The following EXOC4 variants were observed in gnomAD, a reference collection of about 807,000 sequenced individuals.
EXOC4 encodes SEC8-like 1.
Under a neutral mutation model 107.2 loss-of-function variants are expected in EXOC4, and 71 were observed. That is an observed-to-expected ratio of 0.66 (90% CI 0.55 to 0.81). EXOC4 has a LOEUF of 0.81. Ranked by LOEUF, EXOC4 falls within the 30% of genes least tolerant of loss-of-function variation. EXOC4 has a pLI of 0.00. For missense variants in EXOC4, 1,108 were observed against 1,189.6 expected, an observed-to-expected ratio of 0.93 and a Z score of 1.01; for synonymous variants, 456 against 441.2, an observed-to-expected ratio of 1.03 and a Z score of -0.42.
chr7:133,686,707 T>C (rs1794305841), intron 10 of EXOC4, among the ~76,000 whole-genome samples: 1 of 151,454 alleles, frequency 6.6e-6, no homozygotes, highest in Non-Finnish European at 1.5e-5. Context: ...AATAGAAAAA[T>C]AATAGATGTG....
intron 14 of EXOC4, among the ~76,000 whole-genome samples, chr7:133,975,785 C>T (rs924751170): frequency 2.0e-5 from 3 of 151,894 alleles, no homozygotes; most frequent in Admixed American, 6.6e-5. Context: ...TTCACTTTCA[C>T]CATAACCCAA....
chr7:134,052,790 A>C (rs866660259), intron 17 of EXOC4, among the ~76,000 whole-genome samples: 80 of 152,312 alleles, frequency 5.3e-4, no homozygotes, highest in African/African-American at 1.9e-3. Flanking sequence ...TTCATGCCTA[A>C]ATCTGCCAGA....
chr7:134,095,134 TC>T, the EXOC4 span, among the ~76,000 whole-genome samples: 12 of 152,006 alleles, frequency 7.9e-5, no homozygotes, highest in African/African-American at 2.9e-4. Context: ...TGTACAAAAA[TC>T]AATTACATAA....
intron 17 of EXOC4, among the ~76,000 whole-genome samples, chr7:134,043,929 G>A (rs1224327701): frequency 6.6e-6 from 1 of 152,158 alleles, no homozygotes; most frequent in East Asian, 1.9e-4. Context: ...ACACAGTTGT[G>A]CTAATTGGAA....
At chr7:134,100,272 AAG>A in the EXOC4 span, among the ~76,000 whole-genome samples, 3 of 73,630 alleles carry the variant, frequency 4.1e-5, no homozygotes, top group Non-Finnish European at 6.7e-5. Context: ...GAACCATTAG[AAG>A]CCAGGGAAGA....
chr7:133,517,185 G>C (rs1226575281), intron 9 of EXOC4, among the ~76,000 whole-genome samples: 1 of 152,078 alleles, frequency 6.6e-6, no homozygotes, highest in East Asian at 1.9e-4. Context: ...GCATGGGAGG[G>C]AGTGTGATTA....
chr7:133,517,479 G>C (rs918958827), intron 9 of EXOC4, among the ~76,000 whole-genome samples: 1 of 152,104 alleles, frequency 6.6e-6, no homozygotes, highest in African/African-American at 2.4e-5. Context: ...ACCTGTGACT[G>C]GGCAATTTAC....
intron 10 of EXOC4, among the ~76,000 whole-genome samples, chr7:133,686,993 T>TGTGTGTG (rs1562907797): frequency 2.6e-4 from 2 of 7,572 alleles, no homozygotes; most frequent in Non-Finnish European, 5.2e-4. Flanking sequence ...ATAAAGAATT[T>TGTGTGTG]TGTGTGTGTG....
intron 9 of EXOC4, among the ~76,000 whole-genome samples, chr7:133,568,942 T>C (rs1047495403): frequency 1.3e-5 from 2 of 152,202 alleles, no homozygotes; most frequent in African/African-American, 4.8e-5. Context: ...ATAGATCAAC[T>C]GATATGATTC....
chr7:133,443,732 A>G (rs538297967), intron 7 of EXOC4, among the ~76,000 whole-genome samples: 124 of 152,216 alleles, frequency 8.1e-4, no homozygotes, highest in African/African-American at 2.9e-3. Context: ...TACAGTATCT[A>G]AGGACCCCAG....
At chr7:133,713,887 T>C (rs1350808929) in intron 10 of EXOC4, among the ~76,000 whole-genome samples, 1 of 152,166 alleles carries the variant, frequency 6.6e-6, no homozygotes, top group Non-Finnish European at 1.5e-5. Flanking sequence ...ACCTCTTTCC[T>C]TTATAAATTA....
At chr7:133,930,270 C>G (rs1030756958) in intron 13 of EXOC4, among the ~76,000 whole-genome samples, 1 of 152,104 alleles carries the variant, frequency 6.6e-6, no homozygotes, top group African/African-American at 2.4e-5. Flanking sequence ...GAAGTCCTAG[C>G]GCCTAAAGAA....
intron 10 of EXOC4, among the ~76,000 whole-genome samples, chr7:133,692,847 T>C (rs1477359878): frequency 6.6e-6 from 1 of 152,190 alleles, no homozygotes; most frequent in African/African-American, 2.4e-5. Context: ...ATATTGTCAA[T>C]GAAGTAGAAA....
intron 11 of EXOC4, among the ~76,000 whole-genome samples, chr7:133,876,057 CAGAT>C (rs1487196034): frequency 1.3e-5 from 2 of 152,286 alleles, no homozygotes; most frequent in African/African-American, 2.4e-5. Flanking sequence ...GATGGATTCA[CAGAT>C]AGGTAGGTAG....
At chr7:133,822,047 G>A (rs539401916) in intron 11 of EXOC4, among the ~76,000 whole-genome samples, 3 of 152,160 alleles carry the variant, frequency 2.0e-5, no homozygotes, top group South Asian at 2.1e-4. Flanking sequence ...AGCAGGATTG[G>A]ATACATCTCA....
At chr7:134,041,144 A>G (rs549624972) in intron 17 of EXOC4, among the ~76,000 whole-genome samples, 3 of 152,318 alleles carry the variant, frequency 2.0e-5, no homozygotes, top group South Asian at 2.1e-4. Context: ...GACTTTTACC[A>G]TTGTAACTGC....
intron 5 of EXOC4, among the ~76,000 whole-genome samples, chr7:133,329,183 G>C (rs937637554): frequency 5.9e-5 from 9 of 152,064 alleles, no homozygotes; most frequent in African/African-American, 2.2e-4. Flanking sequence ...TTCAATCACT[G>C]ATATCATTTC....
At chr7:134,069,101 G>T (rs896664338), downstream of EXOC4, among the ~76,000 whole-genome samples, 11 of 152,066 alleles carry the variant, frequency 7.2e-5, no homozygotes, top group Admixed American at 3.9e-4. Flanking sequence ...ATTTCAGCCT[G>T]ACTCTGTGCA....
At chr7:133,728,101 G>A (rs552731154) in intron 10 of EXOC4, among the ~76,000 whole-genome samples, 1 of 152,214 alleles carries the variant, frequency 6.6e-6, no homozygotes, top group South Asian at 2.1e-4. Context: ...TTGATCAGCA[G>A]CATCACTGAG....
Sources: gnomAD v4.1 joint callset for allele counts (sites outside exome capture counted in the v4.1 genomes callset) on GRCh38, gnomAD v4.1.1 for gene constraint, MANE v1.5 for transcripts, NCBI Gene and HGNC (gene_info 2026-07-23, HGNC 2026-07-21) for gene names.